Variants in TMEM74 observed in about 807,000 individuals in gnomAD.
TMEM74 encodes transmembrane protein 74.
A neutral mutation model predicts 18.1 loss-of-function variants in TMEM74; 13 were observed. That is an observed-to-expected ratio of 0.72 (90% CI 0.47 to 1.14). The LOEUF is 1.14. TMEM74 is among the 50% of genes most tolerant of loss of function. The pLI is 0.00. For synonymous variants in TMEM74, 159 were observed against 146.6 expected (o/e 1.08, Z -0.61); for missense variants, 372 against 375.9 (o/e 0.99, Z 0.09).
chr8:108,774,095 A>G (rs949053732), downstream of TMEM74, among the ~76,000 whole-genome samples: 1 of 152,230 alleles, frequency 6.6e-6, no homozygotes, highest in African/African-American at 2.4e-5. Flanking sequence ...AGTGAACTAG[A>G]GGGAGATTTT....
chr8:108,773,356 G>A (rs112216239), intron 1 of TMEM74, among the ~76,000 whole-genome samples: 2 of 152,026 alleles, frequency 1.3e-5, no homozygotes, highest in Non-Finnish European at 2.9e-5. Context: ...CCTAAAATAG[G>A]AATTAAAATA....
At chr8:108,718,372 A>G (rs1813550758) in intron 1 of TMEM74, among the ~76,000 whole-genome samples, 2 of 152,172 alleles carry the variant, frequency 1.3e-5, no homozygotes, top group South Asian at 4.1e-4. Flanking sequence ...CAGCATATGG[A>G]TATACTTTAA....
intron 1 of TMEM74, among the ~76,000 whole-genome samples, chr8:108,770,050 A>C (rs1814154273): frequency 6.6e-6 from 1 of 151,992 alleles, no homozygotes; most frequent in Non-Finnish European, 1.5e-5. Context: ...TTCCTAGGTA[A>C]AATTTTTCAT....
At chr8:108,668,686 T>A (rs958232137) in intron 1 of TMEM74, among the ~76,000 whole-genome samples, 5 of 152,206 alleles carry the variant, frequency 3.3e-5, no homozygotes, top group African/African-American at 1.2e-4. Context: ...CAAGAATACA[T>A]AGTTGGGTAC....
At chr8:108,650,261 G>A (rs893436250) in intron 2 of TMEM74, among the ~76,000 whole-genome samples, 1 of 152,142 alleles carries the variant, frequency 6.6e-6, no homozygotes, top group Non-Finnish European at 1.5e-5. Flanking sequence ...TGCCAGCCAA[G>A]TCATTATCAT....
At chr8:108,658,577 A>T (rs941812562) in intron 1 of TMEM74, among the ~76,000 whole-genome samples, 4 of 152,322 alleles carry the variant, frequency 2.6e-5, no homozygotes, top group Non-Finnish European at 4.4e-5. Flanking sequence ...AATGCAGCTG[A>T]TGACAAGGAT....
At chr8:108,735,408 T>G (rs949864790) in intron 1 of TMEM74, among the ~76,000 whole-genome samples, 6 of 79,742 alleles carry the variant, frequency 7.5e-5, no homozygotes, top group African/African-American at 2.1e-4. Flanking sequence ...TAATCTACTT[T>G]CTGTATCTAC....
chr8:108,733,467 A>G (rs1161852922), intron 1 of TMEM74, among the ~76,000 whole-genome samples: 3 of 152,162 alleles, frequency 2.0e-5, no homozygotes, highest in Non-Finnish European at 2.9e-5. Context: ...AAATCAGATG[A>G]GTGGTGGCTT....
chr8:108,611,385 T>A (rs1350591161), intron 2 of TMEM74, among the ~76,000 whole-genome samples: 1 of 152,218 alleles, frequency 6.6e-6, no homozygotes, highest in Non-Finnish European at 1.5e-5. Flanking sequence ...AAACAAGTCA[T>A]GTAAAATATC....
chr8:108,775,211 C>G (rs562027605), downstream of TMEM74, among the ~76,000 whole-genome samples: 8 of 152,264 alleles, frequency 5.3e-5, no homozygotes, highest in Admixed American at 5.2e-4. Context: ...GGGTAAATTC[C>G]TTGGATATGC....
chr8:108,611,502 A>G (rs1586233121), intron 2 of TMEM74, among the ~76,000 whole-genome samples: 1 of 152,338 alleles, frequency 6.6e-6, no homozygotes, highest in Admixed American at 6.5e-5. Flanking sequence ...TTAGTTTTCT[A>G]GGATACAGTT....
At chr8:108,621,426 T>A (rs1181037073) in intron 2 of TMEM74, among the ~76,000 whole-genome samples, 2 of 152,074 alleles carry the variant, frequency 1.3e-5, no homozygotes, top group South Asian at 2.1e-4. Context: ...TTCTTCCAGG[T>A]CCCCCTCCCT....
At chr8:108,690,893 T>C (rs1813221159) in intron 1 of TMEM74, among the ~76,000 whole-genome samples, 1 of 152,192 alleles carries the variant, frequency 6.6e-6, no homozygotes, top group African/African-American at 2.4e-5. Context: ...GGTTCATATT[T>C]GGTTCCATCA....
rs1037830191 is a variant in TMEM74 at position 108,712,534 on chromosome 8, C to T, written n.120-57097G>A. ...TGGGCCTCCTTGTGGATGTCCTCCT[C>T]ATACTGCTCGAGCTCTGAGTACGCA... On this transcript the variant is annotated intron_variant and non_coding_transcript_variant, in intron 1 of 3. Coordinates refer to the TMEM74 transcript ENST00000518838. Among the ~76,000 whole-genome samples the T allele has an allele frequency of 2.0e-5, 3 of 152,146 alleles. No homozygotes were observed. In the East Asian group the frequency reaches 5.8e-4, roughly 29 times the overall value.
At chr8:108,639,074 A>T (rs1165829012) in intron 2 of TMEM74, among the ~76,000 whole-genome samples, 1 of 152,056 alleles carries the variant, frequency 6.6e-6, no homozygotes, top group Non-Finnish European at 1.5e-5. Context: ...GTCATCCTAA[A>T]CTATCAAGCC....
intron 1 of TMEM74, among the ~76,000 whole-genome samples, chr8:108,725,742 T>G (rs926182912): frequency 6.6e-6 from 1 of 152,198 alleles, no homozygotes; most frequent in Non-Finnish European, 1.5e-5. Flanking sequence ...CTTTCTGTTT[T>G]TATTTCTAAA....
At chr8:108,753,332 AT>A (rs1389276211) in intron 1 of TMEM74, among the ~76,000 whole-genome samples, 1 of 151,982 alleles carries the variant, frequency 6.6e-6, no homozygotes, top group Non-Finnish European at 1.5e-5. Flanking sequence ...CCAGCCTGAT[AT>A]TTCCCCCAGT....
intron 1 of TMEM74, among the ~76,000 whole-genome samples, chr8:108,659,384 A>C (rs143322088): frequency 6.6e-6 from 1 of 152,072 alleles, no homozygotes; most frequent in Admixed American, 6.5e-5. Flanking sequence ...TTTGTTTCCT[A>C]TGAAATGATC....
At chr8:108,717,559 A>G (rs142776964) in intron 1 of TMEM74, among the ~76,000 whole-genome samples, 1 of 152,208 alleles carries the variant, frequency 6.6e-6, no homozygotes, top group Non-Finnish European at 1.5e-5. Context: ...TAAATGCTCC[A>G]GAGAGAAACA....
Sources: gnomAD v4.1 joint callset for allele counts (sites outside exome capture counted in the v4.1 genomes callset) on GRCh38, gnomAD v4.1.1 for gene constraint, MANE v1.5 for transcripts, NCBI Gene and HGNC (gene_info 2026-07-23, HGNC 2026-07-21) for gene names.